Variants in GALNTL6 observed in about 807,000 individuals in gnomAD.
The protein encoded by GALNTL6 is polypeptide N-acetylgalactosaminyltransferase-like 6.
In GALNTL6, 46 loss-of-function variants were observed where a neutral mutation model predicts 73.7. That is an observed-to-expected ratio of 0.62 (90% CI 0.49 to 0.80). The LOEUF (loss-of-function observed/expected upper bound fraction) is 0.80, where lower values mean the gene tolerates loss of function less well. Ranked by LOEUF, GALNTL6 falls within the 30% of genes least tolerant of loss-of-function variation. The probability of loss-of-function intolerance (pLI) is 0.00; values close to 1 mark genes in which losing one functional copy is unlikely to be tolerated. For synonymous variants in GALNTL6, 259 were observed against 263.7 expected (o/e 0.98, Z 0.17); for missense variants, 604 against 755.0 (o/e 0.80, Z 2.34).
rs1046219944 is a variant in GALNTL6, at chr4:172,483,866, G to A, written c.553+135177G>A. Among the ~76,000 whole-genome samples the A allele has an allele frequency of 2.6e-5, 4 of 152,262 alleles. No homozygotes were observed. The East Asian group carries it at 7.7e-4, about 29-fold the overall frequency. On this transcript the variant is annotated intron_variant, in intron 5 of 12. Transcript: ENST00000506823. Reference sequence around the variant, plus strand: ...AGAATCTTTTGAGACTAGAAAGGTGGATGAAAATAAATAAATTAGAAATGA... The same window carrying A: ...AGAATCTTTTGAGACTAGAAAGGTGAATGAAAATAAATAAATTAGAAATGA...
At chr4:172,955,257 C>T (rs893576134) in intron 10 of GALNTL6, among the ~76,000 whole-genome samples, 4 of 152,088 alleles carry the variant, frequency 2.6e-5, no homozygotes, top group African/African-American at 9.7e-5. Flanking sequence ...GTGGGTGGAT[C>T]ACCTGAGGTC....
intron 3 of GALNTL6, among the ~76,000 whole-genome samples, chr4:172,269,415 G>A (rs1202445945): frequency 6.6e-6 from 1 of 152,196 alleles, no homozygotes; most frequent in Non-Finnish European, 1.5e-5. Context: ...GATGCTGAAA[G>A]AATAGATGGC....
intron 2 of GALNTL6, among the ~76,000 whole-genome samples, chr4:172,057,684 T>G (rs1300801174): frequency 1.6e-5 from 2 of 123,456 alleles, no homozygotes; most frequent in African/African-American, 6.5e-5. Flanking sequence ...CCAGCCTGGG[T>G]GACACAGACC....
intron 5 of GALNTL6, among the ~76,000 whole-genome samples, chr4:172,361,052 T>C (rs1328007213): frequency 1.3e-5 from 2 of 152,268 alleles, no homozygotes; most frequent in South Asian, 4.1e-4. Context: ...TAACACCTGA[T>C]GATTAAGAAT....
In GALNTL6 at chr4:172,854,195, G is replaced by A. The variant is rs111823589; in HGVS notation, c.924-28595G>A. ...AGCCAAGAGGAAGACTCCCCTCCTCGTTGACACCTTCCCATCCACTTTGGC... is the reference window on the plus strand; with the variant it reads ...AGCCAAGAGGAAGACTCCCCTCCTCATTGACACCTTCCCATCCACTTTGGC... On this transcript the variant is annotated intron_variant, in intron 7 of 12. Transcript: ENST00000506823. Among the ~76,000 whole-genome samples, 208 of 151,958 alleles carry A rather than the reference G, an allele frequency of 1.4e-3. 2 individuals carry two copies. The highest frequency in any genetic ancestry group is 1.5e-3 in the Non-Finnish European group (105 of 67,978).
chr4:172,474,868 C>T (rs1221764177), intron 5 of GALNTL6, among the ~76,000 whole-genome samples: 1 of 152,142 alleles, frequency 6.6e-6, no homozygotes, highest in African/African-American at 2.4e-5. Context: ...CAGTTCATAG[C>T]ACAATCAATA....
chr4:171,901,246 C>A (rs1737084606), intron 2 of GALNTL6, among the ~76,000 whole-genome samples: 1 of 152,158 alleles, frequency 6.6e-6, no homozygotes, highest in Non-Finnish European at 1.5e-5. Context: ...AGAATAAAAT[C>A]TTGGTGACAA....
intron 2 of GALNTL6, among the ~76,000 whole-genome samples, chr4:172,123,975 A>C (rs941062361): frequency 1.3e-5 from 2 of 152,206 alleles, no homozygotes; most frequent in African/African-American, 4.8e-5. Context: ...TACACTTAAG[A>C]GTACTTCTTA....
At chr4:172,359,744 A>G (rs1300638432) in intron 5 of GALNTL6, among the ~76,000 whole-genome samples, 1 of 152,182 alleles carries the variant, frequency 6.6e-6, no homozygotes, top group Non-Finnish European at 1.5e-5. Flanking sequence ...TGTAAAAAAC[A>G]TCTGGGGTTA....
intron 3 of GALNTL6, among the ~76,000 whole-genome samples, chr4:172,271,731 T>G (rs915446537): frequency 6.6e-6 from 1 of 151,984 alleles, no homozygotes; most frequent in African/African-American, 2.4e-5. Flanking sequence ...TATGCATATA[T>G]ACATATATGC....
In GALNTL6 at chr4:172,052,327, T is replaced by G. The variant is rs1045985197; in HGVS notation, c.139-177329T>G. The G allele has an allele frequency of 2.1e-5, 14 of 665,774 alleles. No homozygotes were observed. The Admixed American group carries it at 3.6e-4, about 17-fold the overall frequency. The allele number at this position is 665,774 out of a possible 1,614,324, so 41.2% of individuals were successfully genotyped here. On this transcript the variant is annotated intron_variant, in intron 2 of 12. Coordinates refer to ENST00000506823, the MANE Select transcript of GALNTL6 (RefSeq NM_001034845.3). ...CCCAGGGAAGAGCTCGGGTATATTG[T>G]GAGCTTATTTAGAGATGGGCTTGAA...
intron 10 of GALNTL6, among the ~76,000 whole-genome samples, chr4:173,003,897 T>A (rs1029962589): frequency 6.6e-6 from 1 of 152,214 alleles, no homozygotes; most frequent in African/African-American, 2.4e-5. Flanking sequence ...GCATTTAGTC[T>A]CTTAAGAAGA....
intron 5 of GALNTL6, among the ~76,000 whole-genome samples, chr4:172,737,749 CA>C (rs1185133526): frequency 1.3e-5 from 2 of 152,216 alleles, no homozygotes; most frequent in East Asian, 3.9e-4. Context: ...TAACTTGTTC[CA>C]GTTTTTATTG....
chr4:171,881,210 C>T (rs1023113172), intron 2 of GALNTL6, among the ~76,000 whole-genome samples: 3 of 152,196 alleles, frequency 2.0e-5, no homozygotes, highest in African/African-American at 7.2e-5. Flanking sequence ...TCATTAACAT[C>T]TTCTCTAAAC....
In GALNTL6 at chr4:171,939,784, G is replaced by A. The variant is rs140534008; in HGVS notation, c.138+125066G>A. ...TCAGGATCAAAGTTAGATTATACAG[G>A]ATACAGATAAACAATCTTAGATACA... On this transcript the variant is annotated intron_variant, in intron 2 of 12. Coordinates refer to ENST00000506823, the MANE Select transcript of GALNTL6 (RefSeq NM_001034845.3). Among the ~76,000 whole-genome samples, 819 of 152,010 alleles carry A rather than the reference G, an allele frequency of 5.4e-3. 6 individuals carry two copies. The highest frequency in any genetic ancestry group is 0.051 in the Middle Eastern group (15 of 294).
intron 5 of GALNTL6, among the ~76,000 whole-genome samples, chr4:172,673,663 G>A (rs1198615683): frequency 6.6e-6 from 1 of 152,160 alleles, no homozygotes; most frequent in Non-Finnish European, 1.5e-5. Flanking sequence ...TCCTCTATTG[G>A]ATGCATATAT....
intron 5 of GALNTL6, among the ~76,000 whole-genome samples, chr4:172,700,861 G>A (rs1328345828): frequency 6.6e-6 from 1 of 152,062 alleles, no homozygotes; most frequent in Non-Finnish European, 1.5e-5. Flanking sequence ...CCCTATACAG[G>A]CAGTGTATCT....
At chr4:172,419,473 T>C (rs1042196878) in intron 5 of GALNTL6, among the ~76,000 whole-genome samples, 7 of 152,208 alleles carry the variant, frequency 4.6e-5, no homozygotes, top group African/African-American at 9.6e-5. Context: ...TCATCTGCCT[T>C]GTAATGTCTT....
chr4:172,049,479 G>T (rs1367811157), intron 2 of GALNTL6, among the ~76,000 whole-genome samples: 1 of 151,730 alleles, frequency 6.6e-6, no homozygotes, highest in African/African-American at 2.4e-5. Context: ...ATCTCTTTTG[G>T]ATATTCTTAC....
Sources: allele counts gnomAD v4.1 joint callset (sites outside exome capture counted in the v4.1 genomes callset), GRCh38; gene constraint gnomAD v4.1.1; transcripts MANE v1.5; gene names NCBI Gene and HGNC (gene_info 2026-07-23, HGNC 2026-07-21).